Variants in KIAA0319 observed in about 807,000 individuals in gnomAD.
The protein encoded by KIAA0319 is dyslexia-associated protein KIAA0319.
A neutral mutation model predicts 108.4 loss-of-function variants in KIAA0319; 83 were observed. That is an observed-to-expected ratio of 0.77 (90% CI 0.64 to 0.92). The LOEUF (loss-of-function observed/expected upper bound fraction) is 0.92, where lower values mean the gene tolerates loss of function less well. KIAA0319 is among the 40% of genes least tolerant of loss of function. The pLI, the probability that KIAA0319 is intolerant of heterozygous loss-of-function variation, is 0.00. For missense variants in KIAA0319, 1,195 were observed against 1,322.4 expected, an observed-to-expected ratio of 0.90 and a Z score of 1.49; for synonymous variants, 484 against 510.4, an observed-to-expected ratio of 0.95 and a Z score of 0.70.
At chr6:24,638,023 T>A (rs796709676) in intron 1 of KIAA0319, among the ~76,000 whole-genome samples, 2 of 151,966 alleles carry the variant, frequency 1.3e-5, no homozygotes, top group African/African-American at 4.8e-5. Flanking sequence ...GAAAAGCAAC[T>A]CCCACTGAAG....
downstream of KIAA0319, among the ~76,000 whole-genome samples, chr6:24,540,510 G>C (rs1346280662): frequency 1.3e-5 from 2 of 152,078 alleles, no homozygotes; most frequent in Non-Finnish European, 2.9e-5. Flanking sequence ...TGCAACTCTG[G>C]GTTCATCATC....
chr6:24,580,393 T>C (rs2076314), intron 7 of KIAA0319, among the ~76,000 whole-genome samples: 12,949 of 129,972 alleles, frequency 0.1, 611 homozygotes, highest in South Asian at 0.17. Flanking sequence ...ACAAGGGAGG[T>C]TCACCTTGAT....
Position 24,556,666 on chromosome 6 carries a change from G to A in KIAA0319, c.2798C>T (p.Ser933Phe). Residue 933 changes from serine to phenylalanine, a missense_variant, in exon 18 of 21, where the codon TCT becomes TTT. By Grantham distance (155) the Ser-to-Phe change is radical. Coordinates refer to ENST00000378214, the MANE Select transcript of KIAA0319 (RefSeq NM_014809.4). ...CDPLTKRCIC[S>F]HLWMENLIQR... The stretch of plus-strand genomic sequence containing the variant: ...TATAAGGTTCTCCATCCATAAGTGA[G>A]AGCAAATGCAGCGCTTTGTGAGGGG... The A allele has an allele frequency of 6.2e-7, 1 of 1,614,102 alleles. No individual in the cohort carries two copies. Among genetic ancestry groups the A allele is most frequent in the South Asian group, 1.1e-5 (1 of 91,062 alleles).
chr6:24,642,190 GAGAA>G (rs1020533845), intron 1 of KIAA0319, among the ~76,000 whole-genome samples: 4 of 141,824 alleles, frequency 2.8e-5, no homozygotes, highest in South Asian at 2.3e-4. Flanking sequence ...GAAAGAAAGA[GAGAA>G]AGAAAGAGAA....
intron 1 of KIAA0319, among the ~76,000 whole-genome samples, chr6:24,640,804 C>T (rs553514812): frequency 6.6e-6 from 1 of 152,080 alleles, no homozygotes; most frequent in South Asian, 2.1e-4. Context: ...AGGCACATAC[C>T]ACCAAGCCCA....
rs568854139 is a variant in KIAA0319 at position 24,550,474 on chromosome 6, G to A, written c.3040+960C>T. 2.6e-5 allele frequency among the ~76,000 whole-genome samples: 4 copies of A among 152,310 alleles called. No homozygotes were observed. In the East Asian group the frequency reaches 7.7e-4, roughly 29 times the overall value. ...TTAGCAGCCTCAGAGGGCCAGAGAA[G>A]TTTCATTAAGTATGCAACAGTTAAT... is the stretch of plus-strand genomic sequence containing the variant. On this transcript the variant is annotated intron_variant, in intron 20 of 20. Coordinates refer to ENST00000378214, the MANE Select transcript of KIAA0319 (RefSeq NM_014809.4).
At chr6:24,571,392 AAAAG>A (rs1245511779) in intron 11 of KIAA0319, among the ~76,000 whole-genome samples, 10 of 151,810 alleles carry the variant, frequency 6.6e-5, no homozygotes, top group Non-Finnish European at 1.5e-4. Flanking sequence ...AAAAAAAAAA[AAAAG>A]AAGTCATGTA....
intron 3 of KIAA0319, among the ~76,000 whole-genome samples, chr6:24,592,788 T>C (rs979766222): frequency 2.0e-5 from 3 of 152,176 alleles, no homozygotes; most frequent in African/African-American, 4.8e-5. Flanking sequence ...CTGGGCAACA[T>C]AGCGAAATCC....
In KIAA0319 at chr6:24,570,004, G is replaced by A. The variant is rs1208418478; in HGVS notation, c.1890C>T (p.Gly630=). Residue 630 remains glycine, a synonymous_variant, in exon 12 of 21, where the codon GGC becomes GGT. Coordinates refer to ENST00000378214, the MANE Select transcript of KIAA0319 (RefSeq NM_014809.4). ...CTGGGAAGATCAGCTCTTTATCAGG[G>A]CCGGCCACAGCCACTGGAGGTCTAT... The part of the protein sequence containing the change: ...ENNRPPVAVA[G]PDKELIFPVE... 6.2e-7 allele frequency: 1 copy of A among 1,613,954 alleles called. No homozygotes were observed. Among genetic ancestry groups the A allele is most frequent in the South Asian group, 1.1e-5 (1 of 91,082 alleles).
At position 24,576,503 on chromosome 6, in the gene KIAA0319, T is replaced by C. The variant is rs1765546073; in HGVS notation, c.1599A>G (p.Ala533=). 6.2e-7 allele frequency: 1 copy of C among 1,614,060 alleles called. No individual in the cohort carries two copies. Among genetic ancestry groups the C allele is most frequent in the African/African-American group, 1.3e-5 (1 of 74,924 alleles). The part of the protein sequence containing the change: ...NAVDYPPVAN[A]GPNHTITLPQ... ...GCAAAGTTATGGTGTGATTTGGTCC[T>C]GCATTAGCAACTGGTGGGTAGTCCA... The change falls in exon 10 of 21, where the codon GCA becomes GCG. Residue 533 remains alanine, a synonymous_variant. Transcript: ENST00000378214.
At chr6:24,575,744 CT>C (rs367630973) in intron 10 of KIAA0319, among the ~76,000 whole-genome samples, 157 of 146,168 alleles carry the variant, frequency 1.1e-3, no homozygotes, top group Middle Eastern at 6.9e-3. Flanking sequence ...AAGGTCCTAT[CT>C]TTTTTTTTTT....
chr6:24,558,519 T>G (rs1327360346), intron 17 of KIAA0319, among the ~76,000 whole-genome samples: 1 of 152,180 alleles, frequency 6.6e-6, no homozygotes, highest in African/African-American at 2.4e-5. Context: ...TTCATGTTAC[T>G]CATGAAATAA....
At chr6:24,575,292 A>G (rs2760159) in intron 10 of KIAA0319, among the ~76,000 whole-genome samples, 30,651 of 152,174 alleles carry the variant, frequency 0.2, 3,319 homozygotes, top group African/African-American at 0.29. Context: ...TTGGATACAC[A>G]TCCAGTATGC....
chr6:24,605,107 C>T (rs1004384878), intron 1 of KIAA0319, among the ~76,000 whole-genome samples: 1 of 152,216 alleles, frequency 6.6e-6, no homozygotes, highest in Non-Finnish European at 1.5e-5. Context: ...TCCCAAAGTG[C>T]TGGGATTATA....
At chr6:24,560,555 G>A (rs115251046) in intron 16 of KIAA0319, among the ~76,000 whole-genome samples, 3,422 of 152,276 alleles carry the variant, frequency 0.022, 92 homozygotes, top group African/African-American at 0.069. Context: ...TGTGAAACAC[G>A]TCCCACGAAG....
At chr6:24,579,288 T>C (rs1420384808) in intron 8 of KIAA0319, among the ~76,000 whole-genome samples, 1 of 151,800 alleles carries the variant, frequency 6.6e-6, no homozygotes, top group Non-Finnish European at 1.5e-5. Flanking sequence ...CTGAATGAAT[T>C]TTAAAAAACC....
intron 19 of KIAA0319, among the ~76,000 whole-genome samples, chr6:24,552,614 C>CT (rs1305246037): frequency 2.0e-5 from 3 of 151,908 alleles, no homozygotes; most frequent in South Asian, 2.1e-4. Flanking sequence ...AAATACACTC[C>CT]TTTTTTTTGA....
chr6:24,603,370 C>T (rs947551755), intron 1 of KIAA0319, among the ~76,000 whole-genome samples: 4 of 152,132 alleles, frequency 2.6e-5, no homozygotes, highest in Admixed American at 6.5e-5. Flanking sequence ...ATTTCAAATA[C>T]ATAACAAAGG....
intron 1 of KIAA0319, among the ~76,000 whole-genome samples, chr6:24,638,216 A>ACTT (rs2127596037): frequency 6.6e-6 from 1 of 152,360 alleles, no homozygotes; most frequent in South Asian, 2.1e-4. Flanking sequence ...AAATCATAAT[A>ACTT]AAATAACAAG....
Sources: gnomAD v4.1 joint callset for allele counts (sites outside exome capture counted in the v4.1 genomes callset) on GRCh38, gnomAD v4.1.1 for gene constraint, MANE v1.5 for transcripts, NCBI Gene and HGNC (gene_info 2026-07-23, HGNC 2026-07-21) for gene names.